The following PPHLN1 variants were observed in gnomAD, a reference collection of about 807,000 sequenced individuals.
The protein encoded by PPHLN1 is periphilin 1.
PPHLN1 carries 29 observed loss-of-function variants against 51.3 expected under a neutral mutation model. The observed-to-expected ratio is 0.57, with a 90% confidence interval of 0.42 to 0.77. PPHLN1 has a LOEUF of 0.77. Ranked by LOEUF, PPHLN1 falls within the 30% of genes least tolerant of loss-of-function variation. The pLI, the probability that PPHLN1 is intolerant of heterozygous loss-of-function variation, is 0.00. For missense variants in PPHLN1, 436 were observed against 438.4 expected (o/e 0.99, Z 0.05); for synonymous variants, 147 against 147.8 (o/e 0.99, Z 0.04).
At chr12:42,338,757 A>AC (rs1475796313) in intron 2 of PPHLN1, among the ~76,000 whole-genome samples, 16 of 152,168 alleles carry the variant, frequency 1.1e-4, no homozygotes, top group African/African-American at 3.6e-4. Flanking sequence ...TTTCCTAGAG[A>AC]GCTCTTTAGT....
intron 4 of PPHLN1, among the ~76,000 whole-genome samples, chr12:42,364,582 C>T (rs566289491): frequency 6.6e-6 from 1 of 152,098 alleles, no homozygotes. Flanking sequence ...TGTGATCACA[C>T]CATTGCACTC....
chr12:42,341,825 G>A (rs953024219), intron 2 of PPHLN1, among the ~76,000 whole-genome samples: 2 of 152,098 alleles, frequency 1.3e-5, no homozygotes, highest in Non-Finnish European at 2.9e-5. Flanking sequence ...GTTTCACCGT[G>A]TTAGCCAGGA....
chr12:42,393,833 TAGTC>T (rs2077956321), intron 8 of PPHLN1, 144 bp downstream of exon 8: 2 of 787,360 alleles, frequency 2.5e-6, no homozygotes, highest in Admixed American at 7.3e-5. Context: ...CACAGAATGA[TAGTC>T]AGAATATGAA....
At chr12:42,377,626 T>A (rs2076385137) in intron 5 of PPHLN1, among the ~76,000 whole-genome samples, 2 of 152,144 alleles carry the variant, frequency 1.3e-5, no homozygotes, top group Admixed American at 6.5e-5. Flanking sequence ...TTTTGGGATG[T>A]GTATGACTTA....
chr12:42,427,467 ATACT>A (rs2139796266), intron 9 of PPHLN1, among the ~76,000 whole-genome samples: 1 of 152,294 alleles, frequency 6.6e-6, no homozygotes, highest in South Asian at 2.1e-4. Flanking sequence ...ATTAACCCAA[ATACT>A]TACAGCCAAC....
At chr12:42,326,289 G>C (rs577187903) in intron 1 of PPHLN1, 60 bp downstream of exon 1, 2 of 152,536 alleles carry the variant, frequency 1.3e-5, no homozygotes, top group East Asian at 3.9e-4. Context: ...TGCTAAACGG[G>C]GGGGAGTGGG....
intron 2 of PPHLN1, among the ~76,000 whole-genome samples, chr12:42,340,605 T>C (rs1011614636): frequency 6.6e-6 from 1 of 152,234 alleles, no homozygotes; most frequent in Non-Finnish European, 1.5e-5. Flanking sequence ...TTTCATTTTA[T>C]GTAACATTCC....
intron 4 of PPHLN1, among the ~76,000 whole-genome samples, chr12:42,371,124 T>G (rs1474047924): frequency 7.2e-6 from 1 of 138,192 alleles, no homozygotes; most frequent in Non-Finnish European, 1.6e-5. Flanking sequence ...TTTTTTTTTT[T>G]TTTTTTTTTT....
intron 9 of PPHLN1, among the ~76,000 whole-genome samples, chr12:42,402,598 A>T (rs73272047): frequency 0.036 from 5,545 of 152,330 alleles, 341 homozygotes; most frequent in African/African-American, 0.13. Context: ...ACTGAAAATT[A>T]AAAGTTAAAT....
Position 42,360,458 on chromosome 12 carries a change from C to CTTT in PPHLN1, c.299+5263_299+5265dup, listed in dbSNP as rs71084642. Among the ~76,000 whole-genome samples the CTTT allele has an allele frequency of 1.1e-3, 64 of 56,290 alleles. 12 individuals carry two copies. The highest frequency in any genetic ancestry group is 4.4e-3 in the African/African-American group (58 of 13,098). The allele number at this position is 56,290 out of a possible 152,430, so 36.9% of individuals were successfully genotyped here. A position where few individuals can be genotyped will look rare whatever the true frequency, so the allele number is the denominator to read the frequency against. On this transcript the variant is annotated intron_variant, in intron 4 of 9. Coordinates refer to ENST00000358314, the MANE Select transcript of PPHLN1 (RefSeq NM_201439.2). ...ACAGTTCCTGAAGTGATGCTGAATT[C>CTTT]TTTTTTTTTTTTTTTTTTTTTTTTT...
intron 3 of PPHLN1, among the ~76,000 whole-genome samples, chr12:42,353,088 CAA>C (rs79651957): frequency 7.1e-6 from 1 of 140,582 alleles, no homozygotes; most frequent in Non-Finnish European, 1.6e-5. Flanking sequence ...GACTTTGTCT[CAA>C]AAAAAAAAAA....
rs936964943 is a variant in PPHLN1, at chr12:42,441,727, C to G, written c.*218C>G. On this transcript the variant is annotated 3_prime_UTR_variant, in exon 10 of 10. Transcript: ENST00000358314. ...GTAGAGATGGGGTTCACCATGTTGGCCAGGCTAGTCTCTAACTCCTGGCCT... is the reference window on the plus strand; with the variant it reads ...GTAGAGATGGGGTTCACCATGTTGGGCAGGCTAGTCTCTAACTCCTGGCCT... The G allele has an allele frequency of 1.6e-5, 19 of 1,183,846 alleles. No homozygotes were observed. The highest frequency in any genetic ancestry group is 1.9e-5 in the Non-Finnish European group (18 of 937,332). The allele number at this position is 1,183,846 out of a possible 1,614,324, so 73.3% of individuals were successfully genotyped here. A position where few individuals can be genotyped will look rare whatever the true frequency, so the allele number is the denominator to read the frequency against.
chr12:42,396,784 T>C (rs1337177610), intron 8 of PPHLN1, among the ~76,000 whole-genome samples: 1 of 148,014 alleles, frequency 6.8e-6, no homozygotes, highest in East Asian at 2.0e-4. Context: ...AGCAAGACCC[T>C]GTCTCAGAAA....
chr12:42,341,707 C>T (rs764112297), intron 2 of PPHLN1, among the ~76,000 whole-genome samples: 7 of 152,052 alleles, frequency 4.6e-5, no homozygotes, highest in African/African-American at 7.2e-5. Flanking sequence ...CTGCAAGCTC[C>T]GCCTCCCGGG....
chr12:42,446,797 G>A, downstream of PPHLN1: 1 of 618,894 alleles, frequency 1.6e-6, no homozygotes, highest in Non-Finnish European at 2.6e-6. Context: ...GAATAAAGCT[G>A]AAGGCAGCTT....
chr12:42,371,804 A>G (rs1202329857), intron 4 of PPHLN1, among the ~76,000 whole-genome samples: 1 of 152,250 alleles, frequency 6.6e-6, no homozygotes, highest in African/African-American at 2.4e-5. Flanking sequence ...ACATGTTGGT[A>G]ATACTTTGGA....
chr12:42,349,998 C>T (rs893779010), intron 2 of PPHLN1, among the ~76,000 whole-genome samples: 4 of 150,370 alleles, frequency 2.7e-5, no homozygotes, highest in Admixed American at 2.6e-4. Context: ...AGAGGGGGCC[C>T]TCCCACCCCC....
chr12:42,365,836 T>C (rs945054850), intron 4 of PPHLN1, among the ~76,000 whole-genome samples: 2 of 152,228 alleles, frequency 1.3e-5, no homozygotes, highest in African/African-American at 2.4e-5. Flanking sequence ...TTTGGAGGCC[T>C]CATAATCCTG....
chr12:42,338,101 A>G (rs932343272), intron 2 of PPHLN1, among the ~76,000 whole-genome samples: 12 of 151,846 alleles, frequency 7.9e-5, no homozygotes, highest in Admixed American at 2.0e-4. Context: ...TAATTTTTGT[A>G]TTTTTAGTAG....
Sources: allele counts gnomAD v4.1 joint callset (sites outside exome capture counted in the v4.1 genomes callset), GRCh38; gene constraint gnomAD v4.1.1; transcripts MANE v1.5; gene names NCBI Gene and HGNC (gene_info 2026-07-23, HGNC 2026-07-21).